RHEB: variants seen among roughly 807,000 people sequenced by gnomAD.
RHEB encodes GTP-binding protein Rheb.
In RHEB, 2 loss-of-function variants were observed where a neutral mutation model predicts 28.8. The ratio of observed to expected loss-of-function variants is 0.07; its 90% confidence interval spans 0.03 to 0.22. RHEB has a LOEUF of 0.22. RHEB is among the 10% of genes least tolerant of loss of function. RHEB has a pLI of 1.00. For missense variants in RHEB, 76 were observed against 219.9 expected (o/e 0.35, Z 4.14); for synonymous variants, 69 against 77.3 (o/e 0.89, Z 0.56).
intron 1 of RHEB, among the ~76,000 whole-genome samples, chr7:151,510,497 A>C (rs1448104377): frequency 6.6e-6 from 1 of 152,200 alleles, no homozygotes; most frequent in Non-Finnish European, 1.5e-5. Context: ...GTACCCCATA[A>C]CAGTAAATGC....
At chr7:151,498,316 C>T (rs1364096687) in intron 1 of RHEB, 2 of 424,214 alleles carry the variant, frequency 4.7e-6, no homozygotes, top group Non-Finnish European at 9.3e-6. Flanking sequence ...CAGAATAGAA[C>T]TCAATGAGTA....
At chr7:151,499,991 C>CA (rs1338356065) in intron 1 of RHEB, among the ~76,000 whole-genome samples, 1 of 152,120 alleles carries the variant, frequency 6.6e-6, no homozygotes, top group Admixed American at 6.5e-5. Context: ...TTTGTAGAGA[C>CA]AGGGTCCACC....
In RHEB at chr7:151,497,947, T is replaced by C. The variant is rs1215601288; in HGVS notation, c.53-6933A>G. 14 of 381,208 alleles carry C rather than the reference T, an allele frequency of 3.7e-5. 1 individual carries two copies. Among genetic ancestry groups the C allele is most frequent in the South Asian group, 2.1e-4 (11 of 51,252 alleles). The allele number at this position is 381,208 out of a possible 1,614,324, so 23.6% of individuals were successfully genotyped here. A position where few individuals can be genotyped will look rare whatever the true frequency, so the allele number is the denominator to read the frequency against. ...ATACTTAAAAATCCAACGGGGCATA[T>C]TGATTAGGCTCCCCTTTGCTCTCAG... On this transcript the variant is annotated intron_variant, in intron 1 of 7. Transcript: ENST00000262187.
intron 2 of RHEB, among the ~76,000 whole-genome samples, chr7:151,486,269 CAAGTAT>C (rs1183054282): frequency 6.6e-6 from 1 of 152,134 alleles, no homozygotes; most frequent in South Asian, 2.1e-4. Flanking sequence ...CTGCAGTTAT[CAAGTAT>C]AATTATGATG....
chr7:151,508,776 C>G (rs1268680345), intron 1 of RHEB, among the ~76,000 whole-genome samples: 1 of 151,944 alleles, frequency 6.6e-6, no homozygotes, highest in Non-Finnish European at 1.5e-5. Context: ...AGGCGTGAGC[C>G]ACTGCACCAG....
At chr7:151,491,086 T>A in intron 1 of RHEB, 72 bp from the exon 2 acceptor site, 2 of 1,053,640 alleles carry the variant, frequency 1.9e-6, no homozygotes, top group Non-Finnish European at 2.9e-6. Context: ...GCTGTTTTAT[T>A]AAAAAACCAT....
intron 1 of RHEB, chr7:151,502,600 C>T: frequency 6.9e-7 from 1 of 1,440,230 alleles, no homozygotes; most frequent in Non-Finnish European, 9.8e-7. Context: ...TACAGCACTA[C>T]TTTCAGATGA....
Position 151,484,823 on chromosome 7 carries a change from T to A in RHEB, c.125-19A>T. 6.3e-7 allele frequency: 1 copy of A among 1,575,290 alleles called. No homozygotes were observed. Among genetic ancestry groups the A allele is most frequent in the Non-Finnish European group, 8.7e-7 (1 of 1,146,064 alleles). ...GTAAAAGCTACAGGGAAAAAGGAAATTAAACATTAGTTTAAAAAAATTAAC... is the reference window on the plus strand; with the variant it reads ...GTAAAAGCTACAGGGAAAAAGGAAAATAAACATTAGTTTAAAAAAATTAAC... On this transcript the variant is annotated intron_variant, in intron 2 of 7. Transcript: ENST00000262187.
At chr7:151,501,818 C>T (rs1194110678) in intron 1 of RHEB, 9 of 415,620 alleles carry the variant, frequency 2.2e-5, no homozygotes, top group South Asian at 4.6e-5. Flanking sequence ...CAGAAAGAGC[C>T]GGTGTCCTAC....
In RHEB at chr7:151,484,900, T is replaced by C. The variant is rs534874622; in HGVS notation, c.125-96A>G. On this transcript the variant is annotated intron_variant, in intron 2 of 7. Transcript: ENST00000262187. ...GACAACCAATCAAGCACAGAGTCCCTAGCAGTCTCAGAGAAAGGCCCCATG... is the reference window on the plus strand; with the variant it reads ...GACAACCAATCAAGCACAGAGTCCCCAGCAGTCTCAGAGAAAGGCCCCATG... The C allele has an allele frequency of 3.9e-6, 3 of 762,920 alleles. No individual in the cohort carries two copies. The African/African-American group carries it at 5.3e-5, about 13-fold the overall frequency. The allele number at this position is 762,920 out of a possible 1,614,324, so 47.3% of individuals were successfully genotyped here.
At chr7:151,488,383 CTAA>C (rs1230771138) in intron 2 of RHEB, among the ~76,000 whole-genome samples, 5 of 152,192 alleles carry the variant, frequency 3.3e-5, no homozygotes, top group Non-Finnish European at 7.3e-5. Context: ...ACAGCTTGTT[CTAA>C]TATTATAAAG....
chr7:151,494,689 G>A (rs1235377324), intron 1 of RHEB, among the ~76,000 whole-genome samples: 1 of 152,202 alleles, frequency 6.6e-6, no homozygotes, highest in African/African-American at 2.4e-5. Context: ...ACTGGCCCTA[G>A]GAGAAAGGTA....
At chr7:151,494,329 G>A (rs963052768) in intron 1 of RHEB, among the ~76,000 whole-genome samples, 2 of 152,152 alleles carry the variant, frequency 1.3e-5, no homozygotes, top group Admixed American at 6.5e-5. Flanking sequence ...CCTGACTTGC[G>A]GGAGTGAAGG....
chr7:151,473,829 T>C (rs73476492), intron 4 of RHEB, among the ~76,000 whole-genome samples: 4,335 of 152,318 alleles, frequency 0.028, 200 homozygotes, highest in African/African-American at 0.098. Context: ...AGAGTTTTGT[T>C]TGTCTGAAAA....
intron 1 of RHEB, among the ~76,000 whole-genome samples, chr7:151,512,503 G>A (rs776248953): frequency 6.6e-6 from 1 of 152,136 alleles, no homozygotes; most frequent in Non-Finnish European, 1.5e-5. Context: ...ATCCAAAAAT[G>A]CAACACAATC....
intron 1 of RHEB, chr7:151,498,224 G>T (rs1416659057): frequency 1.8e-6 from 2 of 1,085,004 alleles, no homozygotes; most frequent in South Asian, 2.6e-5. Flanking sequence ...AGTACTGGAG[G>T]CAATTAAGGA....
Position 151,519,610 on chromosome 7 carries a change from T to C in RHEB, c.-99A>G, listed in dbSNP as rs1803145602. ...GCGGCCGCGCCGGGAGAGAGCGGCA[T>C]ACAGAGCAGGGGCGGCGGCGGGCGC... On this transcript the variant is annotated 5_prime_UTR_variant, in exon 1 of 8. An upstream start codon of the reference 5' UTR is lost. Transcript: ENST00000262187. 2.5e-6 allele frequency: 3 copies of C among 1,215,318 alleles called. No individual in the cohort carries two copies. In the South Asian group the frequency reaches 4.7e-5, roughly 19 times the overall value. 75.3% of individuals were successfully genotyped at this position (1,215,318 alleles called of 1,614,324 possible). A position where few individuals can be genotyped will look rare whatever the true frequency, so the allele number is the denominator to read the frequency against.
chr7:151,518,186 A>G (rs1317443256), intron 1 of RHEB: 1 of 152,142 alleles, frequency 6.6e-6, no homozygotes, highest in Admixed American at 6.5e-5. Context: ...CCGCATCTCT[A>G]GCCAAGCTTC....
intron 1 of RHEB, 146 bp downstream of exon 1, chr7:151,519,314 T>C (rs1334392959): frequency 8.7e-6 from 4 of 458,680 alleles, no homozygotes; most frequent in Non-Finnish European, 1.3e-5. Flanking sequence ...CCACCTCCGC[T>C]CAGAATGGTG....
Sources: allele counts gnomAD v4.1 joint callset (sites outside exome capture counted in the v4.1 genomes callset), GRCh38; gene constraint gnomAD v4.1.1; transcripts MANE v1.5; gene names NCBI Gene and HGNC (gene_info 2026-07-23, HGNC 2026-07-21).